UBE2R2: variants seen among roughly 807,000 people sequenced by gnomAD.
UBE2R2 encodes the protein ubiquitin-conjugating enzyme E2 R2.
In UBE2R2, 1 loss-of-function variant was observed where a neutral mutation model predicts 27.8. The ratio of observed to expected loss-of-function variants is 0.04; its 90% CI spans 0.01 to 0.17. The LOEUF is 0.17. Ranked by LOEUF, UBE2R2 falls within the 10% of genes least tolerant of loss-of-function variation. UBE2R2 has a pLI of 1.00. For missense variants in UBE2R2, 100 were observed against 291.0 expected, an observed-to-expected ratio of 0.34 and a Z score of 4.78; for synonymous variants, 106 against 113.3, an observed-to-expected ratio of 0.94 and a Z score of 0.41.
Position 33,919,981 on chromosome 9 carries a change from T to TATTA in UBE2R2, c.*2745_*2748dup, listed in dbSNP as rs1210315315. 1.2e-4 allele frequency: 18 copies of TATTA among 152,210 alleles called. No individual in the cohort carries two copies. The highest frequency in any genetic ancestry group is 3.2e-3 in the Middle Eastern group (1 of 316). 9.4% of individuals were successfully genotyped at this position (152,210 alleles called of 1,614,324 possible). ...TATCAATCATTCCAGAGTTATTTTC[T>TATTA]ATTAGTCAAACTTTTTTGTAGAACC... On this transcript the variant is annotated 3_prime_UTR_variant, in exon 5 of 5. Transcript: ENST00000263228.
intron 2 of UBE2R2, among the ~76,000 whole-genome samples, chr9:33,899,827 T>C (rs56160720): frequency 0.079 from 11,999 of 152,258 alleles, 680 homozygotes; most frequent in Non-Finnish European, 0.12. Context: ...GATTGTACTA[T>C]AGGAATAGTA....
At chr9:33,911,134 C>T (rs1353358081) in intron 3 of UBE2R2, among the ~76,000 whole-genome samples, 1 of 150,768 alleles carries the variant, frequency 6.6e-6, no homozygotes, top group African/African-American at 2.4e-5. Context: ...AACGGCCGGG[C>T]GTAGTGGCTC....
At chr9:33,820,247 A>T (rs1459284377) in intron 1 of UBE2R2, among the ~76,000 whole-genome samples, 9 of 152,224 alleles carry the variant, frequency 5.9e-5, no homozygotes. Flanking sequence ...GTGTTAATAC[A>T]CTGATTTAAA....
At chr9:33,827,476 A>G (rs1030451103) in intron 1 of UBE2R2, among the ~76,000 whole-genome samples, 23 of 152,276 alleles carry the variant, frequency 1.5e-4, no homozygotes, top group African/African-American at 5.5e-4. Context: ...CGCTGTCTCA[A>G]CTAAAAATAC....
chr9:33,850,710 A>G (rs920297947), intron 1 of UBE2R2, among the ~76,000 whole-genome samples: 4 of 152,122 alleles, frequency 2.6e-5, no homozygotes, highest in African/African-American at 7.2e-5. Context: ...TTGTTTATTT[A>G]TAAAAATAGT....
At chr9:33,901,159 T>G (rs938711425) in intron 3 of UBE2R2, among the ~76,000 whole-genome samples, 1 of 152,218 alleles carries the variant, frequency 6.6e-6, no homozygotes, top group Admixed American at 6.5e-5. Context: ...TTGTTTTTGA[T>G]GACAATTTTG....
At chr9:33,915,473 T>C (rs1006531549) in intron 4 of UBE2R2, among the ~76,000 whole-genome samples, 1 of 151,102 alleles carries the variant, frequency 6.6e-6, no homozygotes, top group Non-Finnish European at 1.5e-5. Context: ...CCAGGGAGAG[T>C]GCTGAGAGTG....
In UBE2R2 at chr9:33,918,999, C is replaced by G. The variant is rs1822728663; in HGVS notation, c.*1762C>G. The G allele has an allele frequency of 6.5e-6, 1 of 153,008 alleles. No homozygotes were observed. Among genetic ancestry groups the G allele is most frequent in the African/African-American group, 2.4e-5 (1 of 41,416 alleles). 9.5% of individuals were successfully genotyped at this position (153,008 alleles called of 1,614,324 possible). On this transcript the variant is annotated 3_prime_UTR_variant, in exon 5 of 5. Coordinates refer to ENST00000263228, the MANE Select transcript of UBE2R2 (RefSeq NM_017811.4). ...CCCTTCCCAGCCTCTAAAGTTTGGT[C>G]TGGTATGAAATGGGACTGTTTAACA...
chr9:33,823,816 C>CTAAG (rs1274015830), intron 1 of UBE2R2, among the ~76,000 whole-genome samples: 11 of 152,182 alleles, frequency 7.2e-5, no homozygotes, highest in Non-Finnish European at 1.0e-4. Context: ...TGCCGATGAG[C>CTAAG]TAAGAATCCT....
chr9:33,815,753 G>A (rs992960647), upstream of UBE2R2, among the ~76,000 whole-genome samples: 2 of 151,810 alleles, frequency 1.3e-5, no homozygotes, highest in Admixed American at 1.3e-4. Flanking sequence ...CAATAAAAGG[G>A]GTGGGTAGTG....
chr9:33,888,114 G>A (rs1821903799), intron 2 of UBE2R2, among the ~76,000 whole-genome samples: 1 of 152,182 alleles, frequency 6.6e-6, no homozygotes, highest in Non-Finnish European at 1.5e-5. Flanking sequence ...AAATTTGTCA[G>A]TATGTGCCTT....
intron 1 of UBE2R2, among the ~76,000 whole-genome samples, chr9:33,852,182 G>T (rs1415361154): frequency 1.3e-5 from 2 of 152,154 alleles, no homozygotes; most frequent in African/African-American, 2.4e-5. Context: ...GGGGTGGCAT[G>T]TGCCTATAGT....
chr9:33,858,961 G>T (rs1434354419), intron 1 of UBE2R2, among the ~76,000 whole-genome samples: 1 of 151,880 alleles, frequency 6.6e-6, no homozygotes, highest in Non-Finnish European at 1.5e-5. Context: ...AAGTAGCTGG[G>T]ATTACAGGTG....
rs936733241 is a variant in UBE2R2, at chr9:33,919,546, TAA to T, written c.*2312_*2313del. On this transcript the variant is annotated 3_prime_UTR_variant, in exon 5 of 5. Coordinates refer to ENST00000263228, the MANE Select transcript of UBE2R2 (RefSeq NM_017811.4). The stretch of plus-strand genomic sequence containing the variant: ...TGTACCTTTCAGCCCTTTGGGGTGT[TAA>T]AAGTGTCAAGGGCTGGGTTTGCCTC... 6.6e-6 allele frequency: 1 copy of T among 152,148 alleles called. No homozygotes were observed. Among genetic ancestry groups the T allele is most frequent in the African/African-American group, 2.4e-5 (1 of 41,410 alleles). 9.4% of individuals were successfully genotyped at this position (152,148 alleles called of 1,614,324 possible). A position where few individuals can be genotyped will look rare whatever the true frequency, so the allele number is the denominator to read the frequency against.
Position 33,897,465 on chromosome 9 carries a change from G to A in UBE2R2, c.265-2709G>A, listed in dbSNP as rs1299025345. Among the ~76,000 whole-genome samples, 5 of 147,960 alleles carry A rather than the reference G, an allele frequency of 3.4e-5. No homozygotes were observed. The South Asian group carries it at 6.5e-4, about 19-fold the overall frequency. ...CCCGAGTAGCTGGGATTACAGGTGC[G>A]TGCCACCACGCCCGGCTAATTTTTG... is the stretch of plus-strand genomic sequence containing the variant. On this transcript the variant is annotated intron_variant, in intron 2 of 4. Coordinates refer to ENST00000263228, the MANE Select transcript of UBE2R2 (RefSeq NM_017811.4).
rs556666001 is a variant in UBE2R2, at chr9:33,915,433, G to C, written c.498-1585G>C. ...GAGCTGTCAGCATAAAGGGAGTGGT[G>C]GTTAAAATTATGGGAACAGAGATGA... On this transcript the variant is annotated intron_variant, in intron 4 of 4. Coordinates refer to ENST00000263228, the MANE Select transcript of UBE2R2 (RefSeq NM_017811.4). Among the ~76,000 whole-genome samples, 10 of 152,220 alleles carry C rather than the reference G, an allele frequency of 6.6e-5. No individual in the cohort carries two copies. In the South Asian group the frequency reaches 2.1e-3, roughly 32 times the overall value.
chr9:33,870,135 G>T (rs1821455588), intron 1 of UBE2R2, among the ~76,000 whole-genome samples: 1 of 151,474 alleles, frequency 6.6e-6, no homozygotes, highest in South Asian at 2.1e-4. Context: ...ATGAGCCACT[G>T]TGCCCAGCCT....
intron 1 of UBE2R2, among the ~76,000 whole-genome samples, chr9:33,869,263 A>G (rs1413528978): frequency 3.3e-5 from 5 of 152,086 alleles, no homozygotes; most frequent in African/African-American, 1.2e-4. Flanking sequence ...ACCCTGTCTC[A>G]AAACAAACAA....
chr9:33,884,705 A>G (rs939393831), intron 1 of UBE2R2, among the ~76,000 whole-genome samples: 1 of 152,124 alleles, frequency 6.6e-6, no homozygotes, highest in Non-Finnish European at 1.5e-5. Flanking sequence ...AAAGGTTTAA[A>G]GATAAGCTGA....
Sources: gnomAD v4.1 joint callset for allele counts (sites outside exome capture counted in the v4.1 genomes callset) on GRCh38, gnomAD v4.1.1 for gene constraint, MANE v1.5 for transcripts, NCBI Gene and HGNC (gene_info 2026-07-23, HGNC 2026-07-21) for gene names.